KIF20B: variants seen among roughly 807,000 people sequenced by gnomAD.
KIF20B encodes kinesin-like protein KIF20B.
KIF20B carries 188 observed loss-of-function variants against 232.5 expected under a neutral mutation model. That is an observed-to-expected ratio of 0.81 (90% confidence interval 0.72 to 0.91). KIF20B has a LOEUF of 0.91. KIF20B is among the 40% of genes least tolerant of loss of function. The pLI is 0.00. For missense variants in KIF20B, 2,154 were observed against 2,055.9 expected (o/e 1.05, Z -0.92); for synonymous variants, 712 against 683.0 (o/e 1.04, Z -0.66).
At chr10:89,767,889 G>T (rs1213311276) in intron 29 of KIF20B, among the ~76,000 whole-genome samples, 2 of 151,942 alleles carry the variant, frequency 1.3e-5, no homozygotes, top group African/African-American at 2.4e-5. Flanking sequence ...TCAAATAAAA[G>T]ATATTCCTTC....
intron 25 of KIF20B, among the ~76,000 whole-genome samples, chr10:89,753,145 T>G (rs993652655): frequency 2.6e-5 from 4 of 152,140 alleles, no homozygotes; most frequent in Admixed American, 1.3e-4. Flanking sequence ...GTATTCTATT[T>G]TGTGTGTGTG....
chr10:89,752,613 C>T lies in KIF20B; in HGVS notation c.4269C>T (p.Asn1423=). Residue 1423 remains asparagine (N), a synonymous_variant, in exon 25 of 33, where the codon AAC becomes AAT. Coordinates refer to ENST00000371728, the MANE Select transcript of KIF20B (RefSeq NM_001284259.2). ...AATGCAATGATTTGGAAACCAAAAA[C>T]AATCAAAGGTCAAATAAAGAACATG... ...KEKCNDLETK[N]NQRSNKEHEN... 1 of 1,604,198 alleles carries T rather than the reference C, an allele frequency of 6.2e-7. No homozygotes were observed. The highest frequency in any genetic ancestry group is 2.3e-5 in the East Asian group (1 of 44,206).
intron 16 of KIF20B, among the ~76,000 whole-genome samples, chr10:89,727,265 T>A (rs1439934958): frequency 6.6e-6 from 1 of 151,084 alleles, no homozygotes; most frequent in Non-Finnish European, 1.5e-5. Context: ...CCCCCCTTTT[T>A]TTTTTAAAGA....
chr10:89,709,408 C>T lies in KIF20B; in HGVS notation c.298C>T (p.Arg100Trp), dbSNP rs773209778. Residue 100 changes from arginine (R) to tryptophan (W), a missense_variant, in exon 4 of 33, where the codon CGG (arginine) becomes TGG (tryptophan). Arg to Trp is a moderately radical substitution (Grantham distance 101). Coordinates refer to ENST00000371728, the MANE Select transcript of KIF20B (RefSeq NM_001284259.2). ...VLKEPQCILG[R>W]LSEKSSGQMA... Reference sequence around the variant, plus strand: ...GAAAGAGCCTCAATGCATCCTTGGTCGGTTAAGTGAAAAAAGCTCAGGGCA... The same window carrying T: ...GAAAGAGCCTCAATGCATCCTTGGTTGGTTAAGTGAAAAAAGCTCAGGGCA... 20 of 1,613,210 alleles carry T rather than the reference C, an allele frequency of 1.2e-5. No individual in the cohort carries two copies. Among genetic ancestry groups the T allele is most frequent in the African/African-American group, 6.7e-5 (5 of 74,862 alleles).
At chr10:89,705,856 A>G (rs1842712042) in intron 2 of KIF20B, among the ~76,000 whole-genome samples, 1 of 152,174 alleles carries the variant, frequency 6.6e-6, no homozygotes, top group Non-Finnish European at 1.5e-5. Context: ...GTCATACATC[A>G]GTAGTTTTTC....
chr10:89,732,440 G>A (rs1460358779), intron 18 of KIF20B, among the ~76,000 whole-genome samples: 1 of 151,846 alleles, frequency 6.6e-6, no homozygotes, highest in Non-Finnish European at 1.5e-5. Flanking sequence ...GCCTTTTCAA[G>A]GGAGGCAGTC....
At chr10:89,745,493 A>G (rs1418301006) in intron 22 of KIF20B, among the ~76,000 whole-genome samples, 2 of 152,232 alleles carry the variant, frequency 1.3e-5, no homozygotes, top group African/African-American at 2.4e-5. Flanking sequence ...ACTGCGCTCC[A>G]TCCTGGGTGG....
intron 32 of KIF20B, among the ~76,000 whole-genome samples, chr10:89,773,257 A>T (rs988619312): frequency 6.6e-6 from 1 of 152,048 alleles, no homozygotes; most frequent in Non-Finnish European, 1.5e-5. Flanking sequence ...GACTGTAGTT[A>T]TCACCCTGAG....
chr10:89,765,572 C>T (rs1280733152), intron 29 of KIF20B, among the ~76,000 whole-genome samples: 2 of 152,074 alleles, frequency 1.3e-5, no homozygotes, highest in African/African-American at 2.4e-5. Flanking sequence ...GAGCCCGCAT[C>T]GCCAAGTCAA....
intron 26 of KIF20B, 93 bp from the exon 27 acceptor site, chr10:89,758,613 A>G (rs1842179363): frequency 1.3e-6 from 1 of 782,368 alleles, no homozygotes; most frequent in African/African-American, 1.8e-5. Context: ...GTTTGCAGCT[A>G]TATTTATGGT....
At chr10:89,757,038 GTGTA>G (rs1244445912) in intron 26 of KIF20B, among the ~76,000 whole-genome samples, 45 of 79,084 alleles carry the variant, frequency 5.7e-4, no homozygotes, top group African/African-American at 1.8e-3. Flanking sequence ...GTGTGTGTGT[GTGTA>G]TATATATATA....
chr10:89,765,831 C>T (rs1188904185), intron 29 of KIF20B, among the ~76,000 whole-genome samples: 3 of 152,102 alleles, frequency 2.0e-5, no homozygotes, highest in African/African-American at 4.8e-5. Context: ...ATATTGGCCC[C>T]CACTCTCTTC....
chr10:89,719,626 G>T lies in KIF20B; in HGVS notation c.1642G>T (p.Val548Leu). 3 of 1,613,166 alleles carry T rather than the reference G, an allele frequency of 1.9e-6. No individual in the cohort carries two copies. The highest frequency in any genetic ancestry group is 2.5e-6 in the Non-Finnish European group (3 of 1,179,396). ...AGAAAACGCTGAAGAAACTCAAAAT[G>T]TGGAAACTAAACTTCTTGATGAAGA... ...ELENAEETQN[V>L]ETKLLDEDLD... Residue 548 changes from valine (V) to leucine (L), a missense_variant, in exon 13 of 33, where the codon GTG becomes TTG. Physicochemically the swap from Val to Leu is conservative, Grantham distance 32 (BLOSUM62 1). Transcript: ENST00000371728.
intron 21 of KIF20B, among the ~76,000 whole-genome samples, chr10:89,741,572 C>T (rs762082962): frequency 7.2e-5 from 11 of 152,128 alleles, no homozygotes; most frequent in Non-Finnish European, 1.5e-4. Flanking sequence ...TTATCTTAAT[C>T]CTCACACAAT....
chr10:89,713,180 C>T (rs1350223198), intron 6 of KIF20B, among the ~76,000 whole-genome samples: 7 of 151,688 alleles, frequency 4.6e-5, no homozygotes, highest in Non-Finnish European at 8.8e-5. Flanking sequence ...GCCAACATGG[C>T]GAAACCCCGT....
chr10:89,727,968 T>C, intron 17 of KIF20B, 72 bp downstream of exon 17: 3 of 1,319,218 alleles, frequency 2.3e-6, no homozygotes, highest in Non-Finnish European at 3.1e-6. Context: ...ATGACTAGAT[T>C]TGTTTATTTT....
chr10:89,754,558 TAGA>T lies in KIF20B; in HGVS notation c.4393_4395del (p.Glu1465del). 6.2e-6 allele frequency: 10 copies of T among 1,603,202 alleles called. No homozygotes were observed. The highest frequency in any genetic ancestry group is 8.5e-6 in the Non-Finnish European group (10 of 1,173,930). On this transcript the variant is annotated inframe_deletion, in exon 26 of 33. Transcript: ENST00000371728. Reference sequence around the variant, plus strand: ...TATAATGCTGATAGAAAGAAATGGTTAGAAGAAAAAATGATGCTTATCACTCAA... The same window carrying T: ...TATAATGCTGATAGAAAGAAATGGTTAGAAAAAATGATGCTTATCACTCAA...
rs2133184380 is a variant in KIF20B, at chr10:89,772,720, A to C, written c.5274A>C (p.Ser1758=). The change falls in exon 32 of 33, where the codon TCA becomes TCC. Residue 1758 remains serine, a synonymous_variant. Transcript: ENST00000371728. The stretch of plus-strand genomic sequence containing the variant: ...AGATAATTGAAACAATGAGCTCTTC[A>C]AAGCTCTCAAATGTAGAAGCAAGTA... ...AKKIIETMSS[S]KLSNVEASKE... 1 of 1,602,522 alleles carries C rather than the reference A, an allele frequency of 6.2e-7. No individual in the cohort carries two copies. The highest frequency in any genetic ancestry group is 2.2e-5 in the East Asian group (1 of 44,614).
chr10:89,716,667 C>A, intron 9 of KIF20B, 120 bp downstream of exon 9: 2 of 630,718 alleles, frequency 3.2e-6, no homozygotes, highest in Non-Finnish European at 2.8e-6. Flanking sequence ...ATTCATAAGG[C>A]ATAAAAAACA....
Sources: allele counts gnomAD v4.1 joint callset (sites outside exome capture counted in the v4.1 genomes callset), GRCh38; gene constraint gnomAD v4.1.1; transcripts MANE v1.5; gene names NCBI Gene and HGNC (gene_info 2026-07-23, HGNC 2026-07-21).